The following RXRA variants were observed in gnomAD, a reference collection of about 807,000 sequenced individuals.
RXRA encodes the protein retinoid X receptor alpha.
Under a neutral mutation model 44.5 loss-of-function variants are expected in RXRA, and 5 were observed. That is an observed-to-expected ratio of 0.11 (90% confidence interval 0.06 to 0.24). The LOEUF is 0.24. Among genes scored for constraint, RXRA ranks in the 10% least tolerant of loss-of-function variants. The probability of loss-of-function intolerance (pLI) is 1.00; values close to 1 mark genes in which losing one functional copy is unlikely to be tolerated. For synonymous variants in RXRA, 291 were observed against 271.4 expected (o/e 1.07, Z -0.71); for missense variants, 412 against 646.5 (o/e 0.64, Z 3.93).
chr9:134,359,959 A>G (rs1830329066), intron 1 of RXRA, among the ~76,000 whole-genome samples: 2 of 152,132 alleles, frequency 1.3e-5, no homozygotes, highest in African/African-American at 4.8e-5. Context: ...CCCACCTAGG[A>G]ACAGGGAAGC....
Position 134,426,273 on chromosome 9 carries a change from A to C in RXRA, c.911-2835A>C. The C allele has an allele frequency of 1.0e-6, 1 of 985,436 alleles. No individual in the cohort carries two copies. Among genetic ancestry groups the C allele is most frequent in the Non-Finnish European group, 1.2e-6 (1 of 829,920 alleles). The allele number at this position is 985,436 out of a possible 1,614,324, so 61.0% of individuals were successfully genotyped here. On this transcript the variant is annotated intron_variant, in intron 6 of 9. Transcript: ENST00000481739. The surrounding 1 kb of genome is among the most constrained non-coding windows in gnomAD (Gnocchi z 4.6). ...AAAGCTGTGTCCGTGCCGGGCCCCC[A>C]CATCACAGGGCCAGGAGCCCTCCTT...
Position 134,401,869 on chromosome 9 carries a change from C to T in RXRA, c.266C>T (p.Thr89Ile). The T allele has an allele frequency of 6.2e-7, 1 of 1,606,892 alleles. No homozygotes were observed. Among genetic ancestry groups the T allele is most frequent in the Non-Finnish European group, 8.5e-7 (1 of 1,176,236 alleles). The change falls in exon 2 of 10, where the codon ACT becomes ATT. Residue 89 changes from threonine (T) to isoleucine (I), a missense_variant. Transcript: ENST00000481739. ...VPTTPTLGFS[T>I]GSPQLSSPMN... ...ACCACACCCACCCTGGGCTTCAGCACTGGCAGCCCCCAGGTGAGTGCGGGG... is the reference window on the plus strand; with the variant it reads ...ACCACACCCACCCTGGGCTTCAGCATTGGCAGCCCCCAGGTGAGTGCGGGG...
intron 1 of RXRA, chr9:134,371,894 A>G (rs562221779): frequency 2.6e-5 from 4 of 152,276 alleles, no homozygotes; most frequent in African/African-American, 9.6e-5. Flanking sequence ...GCGTGTTGAA[A>G]CCCGTCTGTG....
chr9:134,434,901 T>G (rs988744617), intron 9 of RXRA, among the ~76,000 whole-genome samples: 1 of 151,776 alleles, frequency 6.6e-6, no homozygotes, highest in African/African-American at 2.4e-5. Flanking sequence ...GCAGACCTCA[T>G]AGGACACCCA....
At chr9:134,435,008 G>T (rs777397544) in intron 9 of RXRA, among the ~76,000 whole-genome samples, 22 of 152,166 alleles carry the variant, frequency 1.4e-4, no homozygotes, top group Non-Finnish European at 2.5e-4. Flanking sequence ...CCCGGAGGAC[G>T]AGGACAGGAG....
In RXRA at chr9:134,366,120, G is replaced by A. The variant is rs1830411844; in HGVS notation, c.29-35512G>A. Among the ~76,000 whole-genome samples, 1 of 152,130 alleles carries A rather than the reference G, an allele frequency of 6.6e-6. No homozygotes were observed. Among genetic ancestry groups the A allele is most frequent in the African/African-American group, 2.4e-5 (1 of 41,420 alleles). ...CAACCTGGGAGCGGTGCTGTCCCTG[G>A]GTACAGATGAGAAGCCAAGGCTCAG... On this transcript the variant is annotated intron_variant, in intron 1 of 9. Transcript: ENST00000481739. The surrounding 1 kb of genome is among the most constrained non-coding windows in gnomAD (Gnocchi z 5.9).
At chr9:134,436,047 C>T (rs1461020893) in intron 9 of RXRA, among the ~76,000 whole-genome samples, 3 of 152,178 alleles carry the variant, frequency 2.0e-5, no homozygotes, top group South Asian at 2.1e-4. Flanking sequence ...GGTCTCACTG[C>T]GTTGCCCAGG....
At chr9:134,380,149 G>T in intron 1 of RXRA, 1 of 985,468 alleles carries the variant, frequency 1.0e-6, no homozygotes, top group Non-Finnish European at 1.2e-6. Flanking sequence ...GTCCACCAGC[G>T]GCAAGTCAGG....
intron 5 of RXRA, among the ~76,000 whole-genome samples, chr9:134,418,525 C>T (rs1192663749): frequency 1.3e-5 from 2 of 152,174 alleles, no homozygotes; most frequent in Non-Finnish European, 1.5e-5. Flanking sequence ...GTGCGCCCTG[C>T]AGGTCACTGT....
At chr9:134,360,649 C>T (rs1261227893) in intron 1 of RXRA, among the ~76,000 whole-genome samples, 2 of 152,216 alleles carry the variant, frequency 1.3e-5, no homozygotes, top group South Asian at 2.1e-4. Context: ...CTCAGCCTGG[C>T]GTTGCATGGG....
intron 7 of RXRA, among the ~76,000 whole-genome samples, chr9:134,430,576 A>G (rs1160131568): frequency 6.6e-6 from 1 of 152,224 alleles, no homozygotes; most frequent in African/African-American, 2.4e-5. Flanking sequence ...TAGTTCAAAC[A>G]GTGTCCTTGA....
intron 1 of RXRA, among the ~76,000 whole-genome samples, chr9:134,364,598 C>G (rs1383858704): frequency 6.6e-6 from 1 of 152,212 alleles, no homozygotes; most frequent in South Asian, 2.1e-4. Flanking sequence ...TGGCCTTGGC[C>G]CCTGCAGACC....
intron 4 of RXRA, among the ~76,000 whole-genome samples, chr9:134,414,858 G>A (rs12002994): frequency 0.023 from 3,545 of 152,218 alleles, 105 homozygotes; most frequent in South Asian, 0.11. Context: ...GGGTGGGGTC[G>A]GCTCTATAGG....
chr9:134,395,331 C>G (rs1189297814), intron 1 of RXRA, among the ~76,000 whole-genome samples: 1 of 152,264 alleles, frequency 6.6e-6, no homozygotes, highest in Non-Finnish European at 1.5e-5. Context: ...CACCCTTTCC[C>G]TCCTGGCCCA....
At chr9:134,377,471 T>A (rs1266509034) in intron 1 of RXRA, among the ~76,000 whole-genome samples, 1 of 152,168 alleles carries the variant, frequency 6.6e-6, no homozygotes. Flanking sequence ...CTGCGTGTGC[T>A]GGCATCACCG....
intron 4 of RXRA, among the ~76,000 whole-genome samples, chr9:134,412,368 G>A (rs1024866879): frequency 2.0e-5 from 3 of 152,248 alleles, no homozygotes; most frequent in Non-Finnish European, 2.9e-5. Context: ...GAGCTGAGGC[G>A]TCGCATCCCA....
chr9:134,423,136 G>A (rs2119191508), intron 6 of RXRA: 1 of 985,488 alleles, frequency 1.0e-6, no homozygotes, highest in Non-Finnish European at 1.2e-6. Context: ...GGTGTGAGGG[G>A]CGTGCTGACT....
chr9:134,421,465 A>G (rs941826445), intron 5 of RXRA, among the ~76,000 whole-genome samples: 1 of 152,046 alleles, frequency 6.6e-6, no homozygotes, highest in African/African-American at 2.4e-5. Context: ...ACCTCCCAAT[A>G]TCAGGCCACA....
chr9:134,413,808 T>C (rs1483399262), intron 4 of RXRA, among the ~76,000 whole-genome samples: 1 of 152,144 alleles, frequency 6.6e-6, no homozygotes, highest in Non-Finnish European at 1.5e-5. Context: ...CTAGGCCAGC[T>C]TGTCTCTGGG....
Sources: gnomAD v4.1 joint callset for allele counts (sites outside exome capture counted in the v4.1 genomes callset) on GRCh38, gnomAD v4.1.1 for gene constraint, Gnocchi (gnomAD v3.1) non-coding constraint, MANE v1.5 for transcripts, NCBI Gene and HGNC (gene_info 2026-07-23, HGNC 2026-07-21) for gene names.